SGCD: variants seen among roughly 807,000 people sequenced by gnomAD.
The protein encoded by SGCD is sarcoglycan delta.
SGCD carries 18 observed loss-of-function variants against 36.6 expected under a neutral mutation model. The observed-to-expected ratio is 0.49, with a 90% CI of 0.34 to 0.73. The LOEUF (loss-of-function observed/expected upper bound fraction) is 0.73. SGCD is among the 30% of genes least tolerant of loss of function. The pLI is 0.01. For synonymous variants in SGCD, 133 were observed against 130.6 expected, an observed-to-expected ratio of 1.02 and a Z score of -0.12; for missense variants, 387 against 346.7, an observed-to-expected ratio of 1.12 and a Z score of -0.92.
intron 1 of SGCD, among the ~76,000 whole-genome samples, chr5:155,914,874 T>G (rs1389566020): frequency 3.9e-5 from 6 of 152,210 alleles, no homozygotes; most frequent in Non-Finnish European, 4.4e-5. Flanking sequence ...CATGCAATTC[T>G]TGGCAAATTT....
intron 1 of SGCD, among the ~76,000 whole-genome samples, chr5:156,101,927 TGTGTGTGTGTGTGTGAGA>T (rs1761527370): frequency 6.7e-6 from 1 of 149,962 alleles, no homozygotes; most frequent in Non-Finnish European, 1.5e-5. Context: ...TGTGTGTGTG[TGTGTGTGTGTGTGTGAGA>T]GAGAGAGAGA....
intron 6 of SGCD, among the ~76,000 whole-genome samples, chr5:156,599,280 C>T (rs1399753755): frequency 6.6e-6 from 1 of 152,040 alleles, no homozygotes; most frequent in Non-Finnish European, 1.5e-5. Flanking sequence ...TAGCATCTAA[C>T]ATAGCTGGGT....
chr5:156,234,477 A>AAT (rs1333505697), intron 3 of SGCD, among the ~76,000 whole-genome samples: 4 of 152,212 alleles, frequency 2.6e-5, no homozygotes, highest in African/African-American at 9.7e-5. Flanking sequence ...GAGGTTCATT[A>AAT]GAACCTAAGC....
intron 3 of SGCD, among the ~76,000 whole-genome samples, chr5:156,418,639 CA>C (rs771402286): frequency 6.6e-5 from 10 of 152,268 alleles, no homozygotes; most frequent in Non-Finnish European, 1.2e-4. Context: ...ACATCTTCCA[CA>C]AGGAGATGGA....
chr5:156,256,266 A>C (rs1193302229), intron 3 of SGCD, among the ~76,000 whole-genome samples: 1 of 152,330 alleles, frequency 6.6e-6, no homozygotes, highest in East Asian at 1.9e-4. Context: ...AGTTTTGAGA[A>C]TTTATAGACT....
intron 1 of SGCD, among the ~76,000 whole-genome samples, chr5:156,115,849 C>T (rs1216394088): frequency 1.3e-5 from 2 of 152,076 alleles, no homozygotes; most frequent in African/African-American, 4.8e-5. Flanking sequence ...ATTTCTCAGT[C>T]ACCTGGATTT....
chr5:156,024,337 A>G (rs1337163731), intron 1 of SGCD, among the ~76,000 whole-genome samples: 14 of 151,466 alleles, frequency 9.2e-5, no homozygotes, highest in Admixed American at 8.6e-4. Flanking sequence ...GATGCACTCA[A>G]TAAATGCTTG....
At chr5:156,323,806 A>T (rs1453401804), upstream of SGCD, among the ~76,000 whole-genome samples, 1 of 152,196 alleles carries the variant, frequency 6.6e-6, no homozygotes. Flanking sequence ...TGCAGAGGGG[A>T]TTCAGGAATC....
intron 7 of SGCD, among the ~76,000 whole-genome samples, chr5:156,707,697 T>C (rs1170871125): frequency 1.3e-5 from 2 of 152,180 alleles, no homozygotes; most frequent in African/African-American, 2.4e-5. Flanking sequence ...ATAATGTAAA[T>C]TGAATCAATA....
chr5:156,347,299 G>A (rs1048022014), intron 3 of SGCD, among the ~76,000 whole-genome samples: 18 of 152,150 alleles, frequency 1.2e-4, no homozygotes, highest in African/African-American at 4.1e-4. Flanking sequence ...GCCATCTGTC[G>A]ATGTGCATGT....
At chr5:156,175,657 A>G (rs1174169580) in intron 3 of SGCD, among the ~76,000 whole-genome samples, 1 of 152,240 alleles carries the variant, frequency 6.6e-6, no homozygotes, top group East Asian at 1.9e-4. Context: ...ATCTTTTGAA[A>G]AATAGGGAGT....
the SGCD span, among the ~76,000 whole-genome samples, chr5:155,798,680 G>T: frequency 9.7e-3 from 1,480 of 152,226 alleles, 23 homozygotes; most frequent in African/African-American, 0.034. Context: ...TTTGCGGGAG[G>T]TGATAGACAT....
At chr5:156,325,874 G>A (rs1023365756), upstream of SGCD, among the ~76,000 whole-genome samples, 5 of 152,052 alleles carry the variant, frequency 3.3e-5, no homozygotes, top group Non-Finnish European at 7.4e-5. Flanking sequence ...TGCTTCCCAA[G>A]GCGAAAATCT....
At chr5:156,570,459 T>C (rs1465227769) in intron 4 of SGCD, among the ~76,000 whole-genome samples, 1 of 152,232 alleles carries the variant, frequency 6.6e-6, no homozygotes, top group African/African-American at 2.4e-5. Flanking sequence ...ATTTCCTTCA[T>C]ACTTCTGACA....
intron 3 of SGCD, among the ~76,000 whole-genome samples, chr5:156,267,511 C>A (rs1363149334): frequency 6.6e-6 from 1 of 152,190 alleles, no homozygotes; most frequent in East Asian, 1.9e-4. Flanking sequence ...GGCTTTCTAG[C>A]GGTTTTTCGG....
At chr5:156,579,956 A>G (rs1760174662) in intron 4 of SGCD, among the ~76,000 whole-genome samples, 1 of 152,168 alleles carries the variant, frequency 6.6e-6, no homozygotes, top group African/African-American at 2.4e-5. Flanking sequence ...TCCTGTGATT[A>G]TGATTTTAGC....
chr5:156,007,823 G>A (rs933763005), intron 1 of SGCD, among the ~76,000 whole-genome samples: 7 of 152,190 alleles, frequency 4.6e-5, no homozygotes, highest in African/African-American at 1.4e-4. Flanking sequence ...TAAGGCAAAC[G>A]GGCTGGAAGA....
intron 7 of SGCD, among the ~76,000 whole-genome samples, chr5:156,738,414 C>T (rs1304780458): frequency 1.3e-5 from 2 of 152,334 alleles, no homozygotes; most frequent in Middle Eastern, 3.4e-3. Context: ...CTTCTATTCA[C>T]AGTTCAGAAG....
intron 4 of SGCD, among the ~76,000 whole-genome samples, chr5:156,582,936 A>G (rs531517685): frequency 1.2e-4 from 18 of 152,296 alleles, no homozygotes; most frequent in Non-Finnish European, 1.8e-4. Context: ...TTGCCTTGAG[A>G]TATTACCTTT....
Sources: gnomAD v4.1 joint callset for allele counts (sites outside exome capture counted in the v4.1 genomes callset) on GRCh38, gnomAD v4.1.1 for gene constraint, MANE v1.5 for transcripts, NCBI Gene and HGNC (gene_info 2026-07-23, HGNC 2026-07-21) for gene names.